MTCH2: variants seen among roughly 807,000 people sequenced by gnomAD.
MTCH2 encodes mitochondrial carrier homolog 2.
MTCH2 carries 25 observed loss-of-function variants against 50.6 expected under a neutral mutation model. The ratio of observed to expected loss-of-function variants is 0.49; its 90% CI spans 0.36 to 0.69. MTCH2 has a LOEUF of 0.69. Among genes scored for constraint, MTCH2 ranks in the 30% least tolerant of loss-of-function variants. The probability of loss-of-function intolerance (pLI) is 0.00; values close to 1 mark genes in which losing one functional copy is unlikely to be tolerated. For missense variants in MTCH2, 273 were observed against 384.4 expected (o/e 0.71, Z 2.42); for synonymous variants, 106 against 132.0 (o/e 0.80, Z 1.35).
At chr11:47,625,351 A>G (rs1370755657) in intron 11 of MTCH2, among the ~76,000 whole-genome samples, 1 of 150,500 alleles carries the variant, frequency 6.6e-6, no homozygotes, top group African/African-American at 2.4e-5. Flanking sequence ...TGAATCCAGG[A>G]GGTGGAGGTC....
chr11:47,611,310 G>A, the MTCH2 span, among the ~76,000 whole-genome samples: 2 of 152,224 alleles, frequency 1.3e-5, no homozygotes, highest in African/African-American at 4.8e-5. Flanking sequence ...AGTCTGAGGT[G>A]AGGCATGGTT....
the MTCH2 span, among the ~76,000 whole-genome samples, chr11:47,610,653 C>T: frequency 3.3e-5 from 5 of 152,160 alleles, no homozygotes; most frequent in Middle Eastern, 3.4e-3. Context: ...TGCAGTGAGC[C>T]GAGATCGAGC....
chr11:47,636,164 T>C (rs1350246075), intron 3 of MTCH2, among the ~76,000 whole-genome samples: 1 of 150,636 alleles, frequency 6.6e-6, no homozygotes, highest in Non-Finnish European at 1.5e-5. Context: ...CTGGGTGCGG[T>C]AGCTCACGCC....
At chr11:47,611,330 C>T in the MTCH2 span, among the ~76,000 whole-genome samples, 1 of 152,216 alleles carries the variant, frequency 6.6e-6, no homozygotes, top group Non-Finnish European at 1.5e-5. Flanking sequence ...TCTGTTGTTT[C>T]CATCTTCACC....
chr11:47,611,303 C>CT, the MTCH2 span, among the ~76,000 whole-genome samples: 1 of 152,234 alleles, frequency 6.6e-6, no homozygotes, highest in African/African-American at 2.4e-5. Flanking sequence ...AGTGAGCAGT[C>CT]TGAGGTGAGG....
chr11:47,626,150 G>A (rs923485097), intron 10 of MTCH2, among the ~76,000 whole-genome samples: 5 of 151,798 alleles, frequency 3.3e-5, no homozygotes, highest in South Asian at 2.1e-4. Context: ...GGGTTCAAGC[G>A]ATTCTCCTGC....
At chr11:47,609,558 C>T in the MTCH2 span, among the ~76,000 whole-genome samples, 8 of 128,562 alleles carry the variant, frequency 6.2e-5, no homozygotes, top group Admixed American at 2.7e-4. Flanking sequence ...ACCCGGGAGA[C>T]GGAGGTTGCA....
In MTCH2 at chr11:47,638,968, A is replaced by G. The variant is rs1481393348; in HGVS notation, c.171T>C (p.Tyr57=). The G allele has an allele frequency of 2.5e-6, 4 of 1,611,452 alleles. No individual in the cohort carries two copies. Among genetic ancestry groups the G allele is most frequent in the Non-Finnish European group, 3.4e-6 (4 of 1,178,680 alleles). Residue 57 remains tyrosine (Y), a splice_region_variant and synonymous_variant, in exon 2 of 13, where the codon TAT becomes TAC. Transcript: ENST00000302503. ...QVCQLPGLFS[Y]AQHIASIDGR... is the part of the protein sequence containing the mutation. ...CCCAAATAAATCAAAGGCACTTACC[A>G]TAACTAAAGAGACCAGGAAGCTGAC... is the stretch of plus-strand genomic sequence containing the variant.
At chr11:47,612,089 T>C in the MTCH2 span, among the ~76,000 whole-genome samples, 2 of 152,152 alleles carry the variant, frequency 1.3e-5, no homozygotes, top group African/African-American at 2.4e-5. Context: ...AAATTAATCC[T>C]CATTCTTAGC....
chr11:47,605,255 C>G, the MTCH2 span, among the ~76,000 whole-genome samples: 3 of 152,104 alleles, frequency 2.0e-5, no homozygotes, highest in Non-Finnish European at 4.4e-5. Context: ...CTGTTTCACC[C>G]CTTTGTAACT....
At chr11:47,611,059 T>G in the MTCH2 span, among the ~76,000 whole-genome samples, 1 of 152,196 alleles carries the variant, frequency 6.6e-6, no homozygotes, top group Non-Finnish European at 1.5e-5. Context: ...CTGTTGTACA[T>G]ATGGTTTCAC....
intron 11 of MTCH2, among the ~76,000 whole-genome samples, chr11:47,623,224 T>C (rs2097294882): frequency 6.6e-6 from 1 of 151,742 alleles, no homozygotes; most frequent in Non-Finnish European, 1.5e-5. Flanking sequence ...TACAAAAACA[T>C]GAGCTGGCAT....
At chr11:47,636,996 T>A (rs1263185171) in intron 3 of MTCH2, among the ~76,000 whole-genome samples, 3 of 150,572 alleles carry the variant, frequency 2.0e-5, no homozygotes, top group African/African-American at 7.3e-5. Context: ...TTCACTCTTG[T>A]CACCCAGCTG....
At position 47,638,975 on chromosome 11, in the gene MTCH2, A is replaced by C. The variant is rs772852470; in HGVS notation, c.164T>G (p.Phe55Cys). Reference sequence around the variant, plus strand: ...AAATCAAAGGCACTTACCATAACTAAAGAGACCAGGAAGCTGACACACTTG... The same window carrying C: ...AAATCAAAGGCACTTACCATAACTACAGAGACCAGGAAGCTGACACACTTG... ...GRQVCQLPGL[F>C]SYAQHIASID... The change falls in exon 2 of 13, where the codon TTT (phenylalanine) becomes TGT (cysteine). Residue 55 changes from phenylalanine (F) to cysteine (C), a missense_variant. Coordinates refer to ENST00000302503, the MANE Select transcript of MTCH2 (RefSeq NM_014342.4). The C allele has an allele frequency of 6.2e-7, 1 of 1,612,818 alleles. No homozygotes were observed. Among genetic ancestry groups the C allele is most frequent in the Non-Finnish European group, 8.5e-7 (1 of 1,179,362 alleles).
At chr11:47,627,237 C>T (rs1459970060) in intron 9 of MTCH2, 110 bp from the exon 10 acceptor site, 5 of 747,492 alleles carry the variant, frequency 6.7e-6, no homozygotes, top group East Asian at 3.1e-5. Flanking sequence ...CAGTGCCTCA[C>T]TCTGTCACCC....
At chr11:47,635,910 CTGAGGTCAGGAGTTCAAG>C (rs1433750847) in intron 3 of MTCH2, among the ~76,000 whole-genome samples, 40 of 151,980 alleles carry the variant, frequency 2.6e-4, no homozygotes, top group African/African-American at 9.2e-4. Context: ...GGCAGATCAC[CTGAGGTCAGGAGTTCAAG>C]TCTAGCCTGG....
At chr11:47,628,622 T>A (rs767003961) in intron 9 of MTCH2, among the ~76,000 whole-genome samples, 1 of 152,174 alleles carries the variant, frequency 6.6e-6, no homozygotes, top group Non-Finnish European at 1.5e-5. Context: ...TCACCCAGGC[T>A]GGAATGCAGT....
intron 3 of MTCH2, 48 bp downstream of exon 3, chr11:47,638,651 A>G (rs1007735306): frequency 3.2e-6 from 4 of 1,234,358 alleles, no homozygotes; most frequent in Non-Finnish European, 3.3e-6. Context: ...AACTATGCAT[A>G]ACAGGTAAGC....
Position 47,628,270 on chromosome 11 carries a change from T to C in MTCH2, c.633+683A>G, listed in dbSNP as rs752281596. 4.6e-5 allele frequency among the ~76,000 whole-genome samples: 7 copies of C among 152,162 alleles called. 1 individual carries two copies. The highest frequency in any genetic ancestry group is 8.8e-5 in the Non-Finnish European group (6 of 68,026). On this transcript the variant is annotated intron_variant, in intron 9 of 12. Coordinates refer to ENST00000302503, the MANE Select transcript of MTCH2 (RefSeq NM_014342.4). ...TAGAAAGCCCAATACAGGCACCCTC[T>C]TAAGTCCAGATTAGATGAAAAGCCC...
Sources: gnomAD v4.1 joint callset for allele counts (sites outside exome capture counted in the v4.1 genomes callset) on GRCh38, gnomAD v4.1.1 for gene constraint, MANE v1.5 for transcripts, NCBI Gene and HGNC (gene_info 2026-07-23, HGNC 2026-07-21) for gene names.